DHX30: variants seen among roughly 807,000 people sequenced by gnomAD.
The protein encoded by DHX30 is ATP-dependent RNA helicase DHX30.
In DHX30, 4 loss-of-function variants were observed where a neutral mutation model predicts 116.9. The observed-to-expected ratio is 0.03, with a 90% CI of 0.02 to 0.08. The LOEUF (loss-of-function observed/expected upper bound fraction) is 0.08. Ranked by LOEUF, DHX30 falls within the 10% of genes least tolerant of loss-of-function variation. DHX30 has a pLI of 1.00. For missense variants in DHX30, 871 were observed against 1,595.1 expected (o/e 0.55, Z 7.73); for synonymous variants, 697 against 651.7 (o/e 1.07, Z -1.06).
chr3:47,845,747 G>A lies in DHX30; in HGVS notation c.987G>A (p.Met329Ile), dbSNP rs201596740. The stretch of plus-strand genomic sequence containing the variant: ...ACAACGAACCGCTTACACACGCCAT[G>A]TATAACCTGGCCTCTTTGCGTGAGC... ...DRNNEPLTHA[M>I]YNLASLRELG... The change falls in exon 10 of 22, where the codon ATG (methionine) becomes ATA (isoleucine). Residue 329 changes from methionine (M) to isoleucine (I), a missense_variant. This residue lies in a region of DHX30 where 175 missense variants were observed against 292.9 expected (regional missense o/e 0.60). Coordinates refer to ENST00000445061, the MANE Select transcript of DHX30 (RefSeq NM_138615.3). 6.2e-7 allele frequency: 1 copy of A among 1,611,888 alleles called. No individual in the cohort carries two copies. The highest frequency in any genetic ancestry group is 1.3e-5 in the African/African-American group (1 of 75,024).
Position 47,825,141 on chromosome 3 carries a change from C to G in DHX30, c.125-2206C>G, listed in dbSNP as rs911347165. The G allele has an allele frequency of 4.5e-6, 3 of 673,882 alleles. No homozygotes were observed. The East Asian group carries it at 9.1e-5, about 20-fold the overall frequency. 41.7% of individuals were successfully genotyped at this position (673,882 alleles called of 1,614,324 possible). A position where few individuals can be genotyped will look rare whatever the true frequency, so the allele number is the denominator to read the frequency against. On this transcript the variant is annotated intron_variant, in intron 4 of 21. Transcript: ENST00000445061. ...CTGGGCGACAGGGTCGCTCGCGCGG[C>G]TTCTCTTCAAGCTGCGCCCACCCCG...
intron 2 of DHX30, among the ~76,000 whole-genome samples, chr3:47,808,024 C>T (rs964545056): frequency 6.6e-6 from 1 of 152,070 alleles, no homozygotes; most frequent in Non-Finnish European, 1.5e-5. Context: ...GATTCTCCTG[C>T]CTCAGCCTCC....
intron 3 of DHX30, among the ~76,000 whole-genome samples, chr3:47,812,386 G>A (rs541137205): frequency 8.2e-4 from 123 of 150,150 alleles, no homozygotes; most frequent in Admixed American, 1.8e-3. Context: ...GATGAGACCC[G>A]TCTCTACTAA....
In DHX30 at chr3:47,848,784, C is replaced by G. The variant is rs778655310; in HGVS notation, c.2736C>G (p.Ser912Arg). ...VVSCLTRDPF[S>R]SSLQNRAEVD... ...CCTGCCTCACCCGGGACCCCTTCAG[C>G]AGCAGCCTACAGAACCGGGCAGAGG... Residue 912 changes from serine to arginine, a missense_variant, in exon 17 of 22, where the codon AGC becomes AGG. This residue lies in a region of DHX30 where 238 missense variants were observed against 481.0 expected (regional missense o/e 0.49). Coordinates refer to ENST00000445061, the MANE Select transcript of DHX30 (RefSeq NM_138615.3). This position sits in a 1 kb window ranked among gnomAD's most constrained non-coding sequence, Gnocchi z 9.4. The G allele has an allele frequency of 6.2e-7, 1 of 1,614,060 alleles. No homozygotes were observed. The highest frequency in any genetic ancestry group is 8.5e-7 in the Non-Finnish European group (1 of 1,179,906).
chr3:47,833,537 CAAA>C (rs71070236), intron 6 of DHX30, among the ~76,000 whole-genome samples: 1 of 62,458 alleles, frequency 1.6e-5, no homozygotes. Context: ...CTCTCTCTCT[CAAA>C]AAAAAAAAAA....
chr3:47,827,176 TC>T (rs1311666885), intron 4 of DHX30, among the ~76,000 whole-genome samples, 170 bp from the exon 5 acceptor site: 1 of 152,134 alleles, frequency 6.6e-6, no homozygotes, highest in Non-Finnish European at 1.5e-5. Context: ...GCCCCACTCT[TC>T]CCTGTAAACC....
At chr3:47,841,478 C>G in intron 7 of DHX30, 139 bp from the exon 8 acceptor site, 1 of 1,213,650 alleles carries the variant, frequency 8.2e-7, no homozygotes. Context: ...CAGAGACGCC[C>G]GGTTTCCCAT....
chr3:47,838,125 G>T (rs1456888872), intron 6 of DHX30, among the ~76,000 whole-genome samples: 1 of 152,230 alleles, frequency 6.6e-6, no homozygotes, highest in Non-Finnish European at 1.5e-5. Context: ...CTTGTCAGAA[G>T]GGAGGCGGTG....
Position 47,803,172 on chromosome 3 carries a change from T to A in DHX30, c.-163T>A. The A allele has an allele frequency of 2.5e-6, 1 of 393,982 alleles. No individual in the cohort carries two copies. Among genetic ancestry groups the A allele is most frequent in the Non-Finnish European group, 4.5e-6 (1 of 222,970 alleles). The allele number at this position is 393,982 out of a possible 1,614,324, so 24.4% of individuals were successfully genotyped here. A position where few individuals can be genotyped will look rare whatever the true frequency, so the allele number is the denominator to read the frequency against. ...CCGTGGTTGGGGGAGCCGCGGCTCA[T>A]GCGCGGTGCACAGAGGCTTGTTTCA... On this transcript the variant is annotated 5_prime_UTR_variant, in exon 1 of 22. An upstream start codon of the reference 5' UTR is lost. Transcript: ENST00000445061.
intron 3 of DHX30, among the ~76,000 whole-genome samples, chr3:47,812,922 C>A (rs1297475218): frequency 6.6e-6 from 1 of 151,824 alleles, no homozygotes; most frequent in African/African-American, 2.4e-5. Context: ...ATCTCGGCCT[C>A]CCAAAGTGTT....
At chr3:47,820,102 C>T (rs1157398560) in intron 4 of DHX30, among the ~76,000 whole-genome samples, 1 of 152,188 alleles carries the variant, frequency 6.6e-6, no homozygotes, top group Non-Finnish European at 1.5e-5. Flanking sequence ...CATCTGAGGC[C>T]AGGAGTTTGA....
chr3:47,823,806 T>C (rs1559697395), intron 4 of DHX30, among the ~76,000 whole-genome samples: 1 of 152,220 alleles, frequency 6.6e-6, no homozygotes, highest in Admixed American at 6.5e-5. Context: ...TGTATAGCTC[T>C]TCATTTTGGC....
At chr3:47,826,450 T>C (rs1303042206) in intron 4 of DHX30, among the ~76,000 whole-genome samples, 1 of 150,756 alleles carries the variant, frequency 6.6e-6, no homozygotes, top group African/African-American at 2.4e-5. Flanking sequence ...CTTTCTTTTT[T>C]TTTTTTTTTT....
Position 47,847,582 on chromosome 3 carries a change from G to A in DHX30, c.2110+46G>A, listed in dbSNP as rs1349779180. ...ACCAGGGACCTTTGGAAACCAGCCT[G>A]ACCTCTGTCCTAGGGACTGACCCAA... On this transcript the variant is annotated intron_variant, in intron 13 of 21. Coordinates refer to ENST00000445061, the MANE Select transcript of DHX30 (RefSeq NM_138615.3). The surrounding 1 kb of genome is among the most constrained non-coding windows in gnomAD (Gnocchi z 5.5). 12 of 1,524,888 alleles carry A rather than the reference G, an allele frequency of 7.9e-6. No homozygotes were observed. The highest frequency in any genetic ancestry group is 2.4e-5 in the East Asian group (1 of 41,062). The allele number at this position is 1,524,888 out of a possible 1,614,324, so 94.5% of individuals were successfully genotyped here.
rs746256947 is a variant in DHX30, at chr3:47,841,083, G to C, written c.573G>C (p.Glu191Asp). The C allele has an allele frequency of 6.2e-7, 1 of 1,614,178 alleles. No homozygotes were observed. Among genetic ancestry groups the C allele is most frequent in the Admixed American group, 1.7e-5 (1 of 60,018 alleles). Residue 191 changes from glutamate to aspartate, a missense_variant, in exon 7 of 22, where the codon GAG becomes GAC. Transcript: ENST00000445061. ...GCTCTTTAGGCCGGGAAGAAGAGGAGGACGAGGAGGAAGAGCTAGAAGAAG... is the reference window on the plus strand; with the variant it reads ...GCTCTTTAGGCCGGGAAGAAGAGGACGACGAGGAGGAAGAGCTAGAAGAAG... ...LSRSLGREEE[E>D]DEEEELEEGT...
At position 47,845,758 on chromosome 3, in the gene DHX30, C is replaced by T. The variant is rs563983650; in HGVS notation, c.998C>T (p.Ala333Val). Residue 333 changes from alanine (A) to valine (V), a missense_variant, in exon 10 of 22, where the codon GCC becomes GTC. By Grantham distance (64) the Ala-to-Val change is moderately conservative (BLOSUM62 0). Around this residue, in one of 13 missense-constraint regions of DHX30, gnomAD observed 175 missense variants for 292.9 expected, o/e 0.60. Transcript: ENST00000445061. ...CTTACACACGCCATGTATAACCTGGCCTCTTTGCGTGAGCTGGGTGAGACC... is the reference window on the plus strand; with the variant it reads ...CTTACACACGCCATGTATAACCTGGTCTCTTTGCGTGAGCTGGGTGAGACC... ...EPLTHAMYNL[A>V]SLRELGETQR... 9 of 1,612,628 alleles carry T rather than the reference C, an allele frequency of 5.6e-6. No homozygotes were observed. The highest frequency in any genetic ancestry group is 7.6e-6 in the Non-Finnish European group (9 of 1,178,832).
At chr3:47,830,324 T>C (rs1262948151) in intron 6 of DHX30, among the ~76,000 whole-genome samples, 4 of 151,060 alleles carry the variant, frequency 2.6e-5, no homozygotes, top group African/African-American at 9.7e-5. Context: ...GGCAGGCACC[T>C]GTAATCCCAG....
At chr3:47,820,819 G>A (rs2036261179) in intron 4 of DHX30, among the ~76,000 whole-genome samples, 1 of 151,912 alleles carries the variant, frequency 6.6e-6, no homozygotes, top group South Asian at 2.1e-4. Context: ...CTTTTTCACA[G>A]GGAAAGGAAT....
intron 4 of DHX30, chr3:47,822,244 GA>G (rs1395186792): frequency 6.6e-6 from 1 of 152,206 alleles, no homozygotes; most frequent in Non-Finnish European, 1.5e-5. Flanking sequence ...TTGTGGAGGT[GA>G]AATACTTGCT....
Sources: gnomAD v4.1 joint callset for allele counts (sites outside exome capture counted in the v4.1 genomes callset) on GRCh38, gnomAD v4.1.1 for gene constraint, gnomAD v4.1.1 regional missense constraint, Gnocchi (gnomAD v3.1) non-coding constraint, MANE v1.5 for transcripts, NCBI Gene and HGNC (gene_info 2026-07-23, HGNC 2026-07-21) for gene names.